The following CNTN4 variants were observed in gnomAD, a reference collection of about 807,000 sequenced individuals.
The protein encoded by CNTN4 is contactin 4.
Under a neutral mutation model 122.5 loss-of-function variants are expected in CNTN4, and 77 were observed. The observed-to-expected ratio is 0.63, with a 90% CI of 0.52 to 0.76. The LOEUF (loss-of-function observed/expected upper bound fraction) is 0.76. CNTN4 is among the 30% of genes least tolerant of loss of function. The pLI is 0.00. For synonymous variants in CNTN4, 512 were observed against 447.0 expected (o/e 1.15, Z -1.83); for missense variants, 1,256 against 1,259.1 (o/e 1.00, Z 0.04).
chr3:2,669,414 A>G (rs1369544095), intron 4 of CNTN4, among the ~76,000 whole-genome samples: 1 of 152,262 alleles, frequency 6.6e-6, no homozygotes. Context: ...GGTAGTTTGT[A>G]TTTCTGTGGG....
intron 2 of CNTN4, among the ~76,000 whole-genome samples, chr3:2,302,497 A>G (rs1399720274): frequency 6.6e-6 from 1 of 152,222 alleles, no homozygotes; most frequent in Non-Finnish European, 1.5e-5. Flanking sequence ...AAACAAATAT[A>G]TGTTGTGGGA....
At chr3:2,797,331 G>T (rs1278708493) in intron 6 of CNTN4, among the ~76,000 whole-genome samples, 1 of 152,156 alleles carries the variant, frequency 6.6e-6, no homozygotes, top group East Asian at 1.9e-4. Flanking sequence ...GGGAATGGTG[G>T]CTTACGCCTG....
intron 3 of CNTN4, among the ~76,000 whole-genome samples, chr3:2,465,494 C>G (rs1201582675): frequency 3.3e-5 from 5 of 151,930 alleles, no homozygotes. Flanking sequence ...CTGGGCAACA[C>G]GGTGAAACCC....
chr3:2,253,753 C>T (rs970253763), intron 2 of CNTN4, among the ~76,000 whole-genome samples: 106 of 151,928 alleles, frequency 7.0e-4, no homozygotes, highest in Admixed American at 2.8e-3. Flanking sequence ...TCTATCCTCC[C>T]GCCTCAGCCT....
rs151025792 is a variant in CNTN4 at position 3,038,937 on chromosome 3, C to G, written c.2097C>G (p.Pro699=). The change falls in exon 19 of 25, where the codon CCC becomes CCG. Residue 699 remains proline (P), a synonymous_variant. Coordinates refer to ENST00000418658, the MANE Select transcript of CNTN4 (RefSeq NM_175607.3). ...SEKRRTEEAL[P]EVTPANVSGG... is the part of the protein sequence containing the mutation. ...GTTTTTTGTCTCCTTGTGCAGTCCC[C>G]GAAGTCACACCAGCGAATGTCAGTG... 2.5e-6 allele frequency: 4 copies of G among 1,613,996 alleles called. No individual in the cohort carries two copies. Among genetic ancestry groups the G allele is most frequent in the Non-Finnish European group, 3.4e-6 (4 of 1,179,944 alleles).
intron 10 of CNTN4, among the ~76,000 whole-genome samples, chr3:2,895,938 C>T (rs2094108548): frequency 6.6e-6 from 1 of 152,108 alleles, no homozygotes; most frequent in Admixed American, 6.5e-5. Context: ...GAGGCTGAGG[C>T]AGGAGAATGG....
At chr3:2,203,075 C>G (rs2038174310) in intron 2 of CNTN4, among the ~76,000 whole-genome samples, 2 of 151,486 alleles carry the variant, frequency 1.3e-5, no homozygotes, top group South Asian at 4.2e-4. Flanking sequence ...CTCAAGTTGT[C>G]TGCCCGCCTC....
chr3:2,507,375 T>C (rs940065035), intron 3 of CNTN4, among the ~76,000 whole-genome samples: 11 of 151,986 alleles, frequency 7.2e-5, no homozygotes, highest in African/African-American at 2.7e-4. Context: ...AAAATCAGAA[T>C]CTTCTGAGGA....
intron 3 of CNTN4, among the ~76,000 whole-genome samples, chr3:2,546,930 A>G (rs563958410): frequency 1.3e-5 from 2 of 152,274 alleles, no homozygotes; most frequent in Admixed American, 1.3e-4. Context: ...ATGTAAAATC[A>G]TTAGGTATGA....
intron 4 of CNTN4, among the ~76,000 whole-genome samples, chr3:2,630,396 G>A (rs767354835): frequency 6.6e-6 from 1 of 152,186 alleles, no homozygotes; most frequent in Non-Finnish European, 1.5e-5. Flanking sequence ...CCAAGATCCT[G>A]CCACTGCACT....
Position 2,340,710 on chromosome 3 carries a change from T to TATATATAGAG in CNTN4, c.-89+1478_-89+1479insTATATAGAGA. ...TTATATATATATATATATATATATA[T>TATATATAGAG]AGAGAGAGAGAGAGAGAGAGAGAGA... On this transcript the variant is annotated intron_variant, in intron 3 of 24. Transcript: ENST00000418658. 5.0e-3 allele frequency among the ~76,000 whole-genome samples: 92 copies of TATATATAGAG among 18,300 alleles called. 3 individuals are homozygous for TATATATAGAG. The highest frequency in any genetic ancestry group is 8.8e-3 in the African/African-American group (88 of 9,978). 12.0% of individuals were successfully genotyped at this position (18,300 alleles called of 152,430 possible).
rs1234334638 is a variant in CNTN4 at position 2,773,762 on chromosome 3, C to CTTTTTTTTTTTTT, written c.358+28069_358+28081dup. Among the ~76,000 whole-genome samples, 19 of 107,522 alleles carry CTTTTTTTTTTTTT rather than the reference C, an allele frequency of 1.8e-4. 1 individual carries two copies. The highest frequency in any genetic ancestry group is 2.1e-4 in the Non-Finnish European group (12 of 55,884). 70.5% of individuals were successfully genotyped at this position (107,522 alleles called of 152,430 possible). A position where few individuals can be genotyped will look rare whatever the true frequency, so the allele number is the denominator to read the frequency against. On this transcript the variant is annotated intron_variant, in intron 6 of 24. Transcript: ENST00000418658. ...GAAGCCTTCATCTCAATGTAGTAGA[C>CTTTTTTTTTTTTT]TTTTTTTTTTTTTTTTGAGACGGAG...
chr3:2,099,929 A>G (rs1210135038), intron 1 of CNTN4, among the ~76,000 whole-genome samples: 1 of 152,126 alleles, frequency 6.6e-6, no homozygotes, highest in African/African-American at 2.4e-5. Flanking sequence ...GGGTAGGAGG[A>G]CGTGGGCTCC....
intron 3 of CNTN4, among the ~76,000 whole-genome samples, chr3:2,521,124 G>A (rs980908499): frequency 6.6e-6 from 1 of 152,038 alleles, no homozygotes. Context: ...ACATACTTCT[G>A]TGGTATTTAA....
At chr3:2,498,467 C>G (rs1295176306) in intron 3 of CNTN4, among the ~76,000 whole-genome samples, 2 of 151,702 alleles carry the variant, frequency 1.3e-5, no homozygotes, top group Non-Finnish European at 2.9e-5. Flanking sequence ...TTTAGCCATT[C>G]TTTTTGTTGT....
rs188023544 is a variant in CNTN4, at chr3:2,534,507, G to T, written c.-88-36909G>T. Among the ~76,000 whole-genome samples, 128 of 152,178 alleles carry T rather than the reference G, an allele frequency of 8.4e-4. 1 individual carries two copies. The highest frequency in any genetic ancestry group is 2.9e-3 in the African/African-American group (122 of 41,544). ...TCCTTAAGAATGGAGGTTGCATCCA[G>T]CTGCAGTGTGGGTGCACTTGGGCTT... On this transcript the variant is annotated intron_variant, in intron 3 of 24. Transcript: ENST00000418658.
At chr3:2,981,231 T>C (rs1466951224) in intron 13 of CNTN4, among the ~76,000 whole-genome samples, 1 of 151,838 alleles carries the variant, frequency 6.6e-6, no homozygotes, top group Non-Finnish European at 1.5e-5. Context: ...GATCACGAGG[T>C]CAGGAGATCG....
intron 2 of CNTN4, among the ~76,000 whole-genome samples, chr3:2,264,283 T>A (rs2040954788): frequency 6.6e-6 from 1 of 152,238 alleles, no homozygotes; most frequent in Non-Finnish European, 1.5e-5. Flanking sequence ...CATGTGTTAT[T>A]TTTTGTCTTT....
In CNTN4 at chr3:2,842,487, C is replaced by T. The variant is rs150298983; in HGVS notation, c.454+22906C>T. On this transcript the variant is annotated intron_variant, in intron 7 of 24. Coordinates refer to ENST00000418658, the MANE Select transcript of CNTN4 (RefSeq NM_175607.3). ...CCTGCTACATCACTCCTACCTGCATCGGAACAATGTGGCAACATCTCCTGC... is the reference window on the plus strand; with the variant it reads ...CCTGCTACATCACTCCTACCTGCATTGGAACAATGTGGCAACATCTCCTGC... Among the ~76,000 whole-genome samples the T allele has an allele frequency of 4.8e-3, 713 of 149,230 alleles. 7 individuals are homozygous for T. The highest frequency in any genetic ancestry group is 0.016 in the African/African-American group (676 of 41,214).
Sources: gnomAD v4.1 joint callset for allele counts (sites outside exome capture counted in the v4.1 genomes callset) on GRCh38, gnomAD v4.1.1 for gene constraint, MANE v1.5 for transcripts, NCBI Gene and HGNC (gene_info 2026-07-23, HGNC 2026-07-21) for gene names.